Variants in STRBP observed in about 807,000 individuals in gnomAD.
STRBP encodes the protein spermatid perinuclear RNA binding protein, also known as spermatid perinuclear RNA-binding protein.
STRBP carries 13 observed loss-of-function variants against 80.1 expected under a neutral mutation model. That is an observed-to-expected ratio of 0.16 (90% confidence interval 0.11 to 0.26). The LOEUF is 0.26. STRBP is among the 10% of genes least tolerant of loss of function. The pLI is 1.00. For synonymous variants in STRBP, 284 were observed against 291.2 expected (o/e 0.98, Z 0.25); for missense variants, 485 against 815.2 (o/e 0.59, Z 4.93).
intron 14 of STRBP, 76 bp downstream of exon 14, chr9:123,139,453 A>T: frequency 8.3e-7 from 1 of 1,203,936 alleles, no homozygotes; most frequent in Non-Finnish European, 1.1e-6. Context: ...GATTTTATTT[A>T]TACTTTTCCA....
At position 123,203,684 on chromosome 9, in the gene STRBP, G is replaced by A. The variant is rs112808504; in HGVS notation, c.-164-19386C>T. Among the ~76,000 whole-genome samples the A allele has an allele frequency of 3.9e-3, 585 of 151,900 alleles. 2 individuals are homozygous for A. The highest frequency in any genetic ancestry group is 0.013 in the African/African-American group (519 of 41,434). ...CTCTGACCACCCTATGTAAAATAGC[G>A]ACCTCGGCCAGGCGCGGTGGCTCAC... is the stretch of plus-strand genomic sequence containing the variant. On this transcript the variant is annotated intron_variant, in intron 2 of 18. Transcript: ENST00000348403.
At chr9:123,205,901 C>T (rs965789088) in intron 2 of STRBP, among the ~76,000 whole-genome samples, 1 of 152,050 alleles carries the variant, frequency 6.6e-6, no homozygotes, top group Non-Finnish European at 1.5e-5. Context: ...TAAAACCTGA[C>T]GTAAATCACA....
chr9:123,140,626 CAAA>C (rs544721015), intron 13 of STRBP, among the ~76,000 whole-genome samples: 1 of 150,244 alleles, frequency 6.7e-6, no homozygotes, highest in Non-Finnish European at 1.5e-5. Context: ...AACAAACAAA[CAAA>C]AAAAAACAAG....
intron 2 of STRBP, among the ~76,000 whole-genome samples, chr9:123,192,334 G>C (rs1484287579): frequency 1.3e-5 from 2 of 151,988 alleles, no homozygotes; most frequent in Non-Finnish European, 2.9e-5. Flanking sequence ...AAAAGGAGAA[G>C]AACAACTATA....
rs1198169939 is a variant in STRBP at position 123,115,454 on chromosome 9, C to T, written c.*84+475G>A. The T allele has an allele frequency of 2.2e-6, 1 of 462,406 alleles. No homozygotes were observed. The highest frequency in any genetic ancestry group is 4.5e-6 in the Non-Finnish European group (1 of 221,594). The allele number at this position is 462,406 out of a possible 1,614,324, so 28.6% of individuals were successfully genotyped here. On this transcript the variant is annotated intron_variant and NMD_transcript_variant, in intron 3 of 3. Coordinates refer to the STRBP transcript ENST00000471564. This position sits in a 1 kb window ranked among gnomAD's most constrained non-coding sequence, Gnocchi z 5.0. Reference sequence around the variant, plus strand: ...TTCTCCCTGCACAGAGGAGGACTCTCATTCTGTTCAAATCCTCTGCACCTC... The same window carrying T: ...TTCTCCCTGCACAGAGGAGGACTCTTATTCTGTTCAAATCCTCTGCACCTC...
chr9:123,147,919 T>C (rs769118196), intron 11 of STRBP, 49 bp from the exon 12 acceptor site: 25 of 1,479,474 alleles, frequency 1.7e-5, no homozygotes, highest in Non-Finnish European at 2.3e-5. Context: ...AACAATCCCC[T>C]TACCGTACCA....
intron 1 of STRBP, among the ~76,000 whole-genome samples, chr9:123,248,431 A>AT (rs897659924): frequency 6.6e-6 from 1 of 151,166 alleles, no homozygotes; most frequent in Non-Finnish European, 1.5e-5. Context: ...CCATGCCCAG[A>AT]TTTTTTTTAT....
downstream of STRBP, among the ~76,000 whole-genome samples, chr9:123,119,260 C>A (rs2035692311): frequency 1.3e-5 from 2 of 152,102 alleles, no homozygotes; most frequent in South Asian, 4.1e-4. Flanking sequence ...AGGTTAGATT[C>A]CGGAGGCAGT....
intron 5 of STRBP, among the ~76,000 whole-genome samples, chr9:123,173,279 G>C (rs2038083232): frequency 6.6e-6 from 1 of 152,200 alleles, no homozygotes; most frequent in Admixed American, 6.5e-5. Context: ...TACTATCTAT[G>C]AAAGTCTCTC....
chr9:123,136,429 T>C lies in STRBP; in HGVS notation c.1584A>G (p.Glu528=), dbSNP rs375720089. The change falls in exon 15 of 19, where the codon GAA becomes GAG. Residue 528 remains glutamate, a synonymous_variant. Coordinates refer to ENST00000348403, the MANE Select transcript of STRBP (RefSeq NM_018387.5). The surrounding 1 kb of genome is among the most constrained non-coding windows in gnomAD (Gnocchi z 4.2). ...LNEKRRGLKY[E]LISETGGSHD... is the part of the protein sequence containing the mutation. ...GGCTTCCACCAGTCTCTGAGATGAG[T>C]TCATACTTGAGACCTCTTCTTTTTT... 6 of 1,614,096 alleles carry C rather than the reference T, an allele frequency of 3.7e-6. No individual in the cohort carries two copies. The East Asian group carries it at 8.9e-5, about 24-fold the overall frequency.
At chr9:123,241,534 AT>A (rs1461283074) in intron 1 of STRBP, among the ~76,000 whole-genome samples, 3 of 151,062 alleles carry the variant, frequency 2.0e-5, no homozygotes, top group African/African-American at 4.9e-5. Flanking sequence ...AAAAAAATCA[AT>A]TTTTTTTTCT....
At chr9:123,128,334 C>A in intron 17 of STRBP, 76 bp from the exon 18 acceptor site, 2 of 1,540,032 alleles carry the variant, frequency 1.3e-6, no homozygotes, top group South Asian at 2.2e-5. Flanking sequence ...CAAGCACCAC[C>A]TGCTCAGCAC....
intron 1 of STRBP, among the ~76,000 whole-genome samples, chr9:123,251,334 A>T (rs2040912684): frequency 1.3e-5 from 2 of 152,128 alleles, no homozygotes. Flanking sequence ...TACTTACATT[A>T]TCCCATAATC....
chr9:123,187,021 T>C (rs913957629), intron 2 of STRBP, among the ~76,000 whole-genome samples: 7 of 152,160 alleles, frequency 4.6e-5, no homozygotes, highest in African/African-American at 1.7e-4. Context: ...GTAGATAACA[T>C]GTATGTAGCT....
chr9:123,133,039 C>T (rs189086005), intron 16 of STRBP, 71 bp from the exon 17 acceptor site: 46 of 1,565,726 alleles, frequency 2.9e-5, no homozygotes, highest in African/African-American at 2.6e-4. Context: ...ATCTCTTCAA[C>T]GCACAACAAC....
exon 4 of STRBP, chr9:123,109,590 A>C (rs1564201157): frequency 6.6e-6 from 1 of 152,258 alleles, no homozygotes; most frequent in Non-Finnish European, 1.5e-5. Context: ...GCCAGACAAG[A>C]GGGTCAGTCT....
intron 6 of STRBP, 127 bp from the exon 7 acceptor site, chr9:123,161,195 TTCC>T: frequency 4.2e-6 from 3 of 710,840 alleles, no homozygotes; most frequent in Non-Finnish European, 6.8e-6. Flanking sequence ...CCCAGAAAAT[TTCC>T]TCATTTGGCT....
At chr9:123,181,152 A>G (rs1033944473) in intron 3 of STRBP, among the ~76,000 whole-genome samples, 3 of 152,232 alleles carry the variant, frequency 2.0e-5, no homozygotes, top group African/African-American at 4.8e-5. Context: ...AATAAAAATC[A>G]TCTGTCTAGA....
chr9:123,183,897 CTTTGT>C (rs1347732628), intron 3 of STRBP, among the ~76,000 whole-genome samples: 3 of 152,138 alleles, frequency 2.0e-5, no homozygotes, highest in Non-Finnish European at 2.9e-5. Context: ...GCATTTCCTC[CTTTGT>C]TTTAATAATT....
Sources: gnomAD v4.1 joint callset for allele counts (sites outside exome capture counted in the v4.1 genomes callset) on GRCh38, gnomAD v4.1.1 for gene constraint, Gnocchi (gnomAD v3.1) non-coding constraint, MANE v1.5 for transcripts, NCBI Gene and HGNC (gene_info 2026-07-23, HGNC 2026-07-21) for gene names.